Variants in MGAT5B observed in about 807,000 individuals in gnomAD.
The protein encoded by MGAT5B is alpha-1,6-mannosylglycoprotein 6-beta-N-acetylglucosaminyltransferase B, also known as N-acetylglucosaminyl-transferase Vb.
MGAT5B carries 54 observed loss-of-function variants against 95.1 expected under a neutral mutation model. The observed-to-expected ratio is 0.57, with a 90% confidence interval of 0.46 to 0.71. MGAT5B has a LOEUF of 0.71. MGAT5B is among the 30% of genes least tolerant of loss of function. MGAT5B has a pLI of 0.00. For synonymous variants in MGAT5B, 464 were observed against 451.0 expected (o/e 1.03, Z -0.36); for missense variants, 935 against 1,088.6 (o/e 0.86, Z 1.99).
At chr17:76,946,084 G>A (rs1970018819) in intron 15 of MGAT5B, among the ~76,000 whole-genome samples, 2 of 151,760 alleles carry the variant, frequency 1.3e-5, no homozygotes, top group African/African-American at 4.8e-5. Flanking sequence ...AGGGGACACA[G>A]CGCTGAGCTT....
intron 3 of MGAT5B, among the ~76,000 whole-genome samples, chr17:76,901,737 G>A (rs981168672): frequency 6.6e-6 from 1 of 152,192 alleles, no homozygotes; most frequent in African/African-American, 2.4e-5. Flanking sequence ...AGGCTTCTGC[G>A]GGTAGAATTT....
At chr17:76,942,834 C>G (rs1969903978) in intron 15 of MGAT5B, among the ~76,000 whole-genome samples, 1 of 152,222 alleles carries the variant, frequency 6.6e-6, no homozygotes, top group Admixed American at 6.5e-5. Context: ...TCCCACTTCT[C>G]CACCCACCTC....
rs553073395 is a variant in MGAT5B, at chr17:76,930,757, C to T, written c.1292-1888C>T. ...AATAAGTCAAATGGCGAGGAAATCC[C>T]GGGGCAATCCCTGCTGTAACAGAGA... On this transcript the variant is annotated intron_variant, in intron 10 of 17. Coordinates refer to ENST00000569840, the MANE Select transcript of MGAT5B (RefSeq NM_001199172.2). This position sits in a 1 kb window ranked among gnomAD's most constrained non-coding sequence, Gnocchi z 4.1. 1.1e-4 allele frequency among the ~76,000 whole-genome samples: 17 copies of T among 152,258 alleles called. No homozygotes were observed. The highest frequency in any genetic ancestry group is 3.4e-3 in the Middle Eastern group (1 of 294).
At chr17:76,946,987 G>T (rs1270210407) in intron 16 of MGAT5B, among the ~76,000 whole-genome samples, 1 of 152,226 alleles carries the variant, frequency 6.6e-6, no homozygotes, top group Non-Finnish European at 1.5e-5. Context: ...TGCTCAGAGT[G>T]CCTGGAAGTC....
intron 16 of MGAT5B, 108 bp from the exon 17 acceptor site, chr17:76,947,722 G>T: frequency 1.4e-6 from 2 of 1,432,266 alleles, no homozygotes; most frequent in Non-Finnish European, 1.8e-6. Flanking sequence ...TTCAGTAAGC[G>T]CCCAGTAGTG....
intron 12 of MGAT5B, among the ~76,000 whole-genome samples, chr17:76,935,904 A>T (rs905718648): frequency 8.7e-6 from 1 of 114,674 alleles, no homozygotes; most frequent in Admixed American, 9.4e-5. Flanking sequence ...TTATATATAC[A>T]TTATATATAT....
chr17:76,908,392 G>A (rs372203258), intron 8 of MGAT5B, among the ~76,000 whole-genome samples: 2 of 150,334 alleles, frequency 1.3e-5, no homozygotes, highest in Admixed American at 6.7e-5. Context: ...TCAGCCTCCT[G>A]AGTAGCTGGG....
At position 76,904,281 on chromosome 17, in the gene MGAT5B, C is replaced by T. The variant is rs746062796; in HGVS notation, c.549C>T (p.Pro183=). 1.6e-5 allele frequency: 25 copies of T among 1,610,842 alleles called. No homozygotes were observed. The highest frequency in any genetic ancestry group is 1.8e-5 in the Non-Finnish European group (21 of 1,179,080). ...TGCGTGCCCGCTGGACCTCTGACCC[C>T]TGCTACGCCTTCTTTGGGGTGGACG... The part of the protein sequence containing the change: ...EWMRARWTSD[P]CYAFFGVDGT... The change falls in exon 6 of 18, where the codon CCC becomes CCT. Residue 183 remains proline, a synonymous_variant. Transcript: ENST00000569840.
At chr17:76,907,949 C>T (rs897687670) in intron 8 of MGAT5B, among the ~76,000 whole-genome samples, 1 of 152,196 alleles carries the variant, frequency 6.6e-6, no homozygotes, top group Non-Finnish European at 1.5e-5. Flanking sequence ...GGCTGAGCAT[C>T]CTGTCCTGTG....
intron 12 of MGAT5B, among the ~76,000 whole-genome samples, chr17:76,936,441 A>G (rs1179266229): frequency 6.6e-6 from 1 of 152,166 alleles, no homozygotes; most frequent in Non-Finnish European, 1.5e-5. Context: ...TCTTTCAAAG[A>G]GAAAAGTTCT....
chr17:76,881,284 T>C (rs2145132379), intron 2 of MGAT5B, among the ~76,000 whole-genome samples: 1 of 152,258 alleles, frequency 6.6e-6, no homozygotes, highest in East Asian at 1.9e-4. Flanking sequence ...AATTTTCTTC[T>C]TCATAAGGTC....
rs1966955893 is a variant in MGAT5B, at chr17:76,870,196, G to A, written c.68+1099G>A. Among the ~76,000 whole-genome samples the A allele has an allele frequency of 6.6e-6, 1 of 152,216 alleles. No homozygotes were observed. Among genetic ancestry groups the A allele is most frequent in the Non-Finnish European group, 1.5e-5 (1 of 68,024 alleles). On this transcript the variant is annotated intron_variant, in intron 1 of 17. Transcript: ENST00000569840. The surrounding 1 kb of genome is among the most constrained non-coding windows in gnomAD (Gnocchi z 5.0). ...CTGCCGGCTCCAGACGGGGATGGGG[G>A]CGGGGAGACGGTGGCTCACCTGGAG...
At chr17:76,936,521 T>C (rs971914239) in intron 12 of MGAT5B, among the ~76,000 whole-genome samples, 5 of 152,254 alleles carry the variant, frequency 3.3e-5, no homozygotes, top group African/African-American at 1.2e-4. Flanking sequence ...GAAATCTTTG[T>C]CTAACCCAAG....
At chr17:76,900,460 A>G (rs538442760) in intron 3 of MGAT5B, among the ~76,000 whole-genome samples, 15 of 152,350 alleles carry the variant, frequency 9.8e-5, no homozygotes, top group South Asian at 4.1e-4. Flanking sequence ...CCCTGGTTCC[A>G]TGGCTGGTGT....
intron 2 of MGAT5B, among the ~76,000 whole-genome samples, chr17:76,879,315 C>T (rs1281927434): frequency 1.3e-5 from 2 of 152,176 alleles, no homozygotes; most frequent in Non-Finnish European, 2.9e-5. Flanking sequence ...CCAAAAGCCA[C>T]GCTGTGGGCT....
chr17:76,939,035 T>G (rs866929033), intron 13 of MGAT5B, among the ~76,000 whole-genome samples: 168 of 137,506 alleles, frequency 1.2e-3, no homozygotes, highest in Middle Eastern at 7.1e-3. Flanking sequence ...TGGGGGTGTG[T>G]GTGTGTGTGT....
At chr17:76,871,047 C>T (rs1363831779) in intron 1 of MGAT5B, among the ~76,000 whole-genome samples, 2 of 152,118 alleles carry the variant, frequency 1.3e-5, no homozygotes, top group African/African-American at 4.8e-5. Flanking sequence ...ACACCTTTCT[C>T]ATAGCAGGGT....
chr17:76,875,494 A>G lies in MGAT5B; in HGVS notation c.181+2531A>G, dbSNP rs570617960. ...CCCAGCCATGCTGGACTCTGAGTCAATTCAACCTTTTTCATCTATAAATTA... is the reference window on the plus strand; with the variant it reads ...CCCAGCCATGCTGGACTCTGAGTCAGTTCAACCTTTTTCATCTATAAATTA... On this transcript the variant is annotated intron_variant, in intron 2 of 17. Coordinates refer to ENST00000569840, the MANE Select transcript of MGAT5B (RefSeq NM_001199172.2). 3.3e-5 allele frequency among the ~76,000 whole-genome samples: 5 copies of G among 152,222 alleles called. No homozygotes were observed. In the East Asian group the frequency reaches 5.8e-4, roughly 18 times the overall value.
At chr17:76,947,610 C>A (rs77913284) in intron 16 of MGAT5B, among the ~76,000 whole-genome samples, 1 of 152,200 alleles carries the variant, frequency 6.6e-6, no homozygotes, top group Non-Finnish European at 1.5e-5. Context: ...AGGCCCTGGG[C>A]GGATGCCGTG....
Sources: allele counts gnomAD v4.1 joint callset (sites outside exome capture counted in the v4.1 genomes callset), GRCh38; gene constraint gnomAD v4.1.1; non-coding constraint Gnocchi (gnomAD v3.1); transcripts MANE v1.5; gene names NCBI Gene and HGNC (gene_info 2026-07-23, HGNC 2026-07-21).